Variants in STPG2 observed in about 807,000 individuals in gnomAD.
STPG2 encodes the protein sperm-tail PG-rich repeat-containing protein 2.
A neutral mutation model predicts 54.2 loss-of-function variants in STPG2; 56 were observed. The ratio of observed to expected loss-of-function variants is 1.03; its 90% CI spans 0.83 to 1.29. The LOEUF is 1.29. Among genes scored for constraint, STPG2 ranks in the 50% most tolerant of loss-of-function variants. The pLI, the probability that STPG2 is intolerant of heterozygous loss-of-function variation, is 0.00. For synonymous variants in STPG2, 200 were observed against 181.8 expected, an observed-to-expected ratio of 1.10 and a Z score of -0.81; for missense variants, 596 against 544.9, an observed-to-expected ratio of 1.09 and a Z score of -0.93.
intron 10 of STPG2, among the ~76,000 whole-genome samples, chr4:97,648,342 T>A (rs1260391950): frequency 6.6e-6 from 1 of 152,162 alleles, no homozygotes; most frequent in Admixed American, 6.5e-5. Context: ...AATGCTGGTA[T>A]CTACCTGGCT....
intron 9 of STPG2, among the ~76,000 whole-genome samples, chr4:97,788,372 A>C (rs1726890676): frequency 6.6e-6 from 1 of 152,012 alleles, no homozygotes; most frequent in African/African-American, 2.4e-5. Context: ...AATGTTCTCT[A>C]GCTCCATTCA....
chr4:97,769,772 G>A (rs982972821), intron 9 of STPG2, among the ~76,000 whole-genome samples: 5 of 151,912 alleles, frequency 3.3e-5, no homozygotes, highest in African/African-American at 9.7e-5. Flanking sequence ...TTATGAATAC[G>A]TACATATTTA....
At chr4:97,726,226 C>T (rs1724621496) in intron 9 of STPG2, among the ~76,000 whole-genome samples, 2 of 151,786 alleles carry the variant, frequency 1.3e-5, no homozygotes, top group Admixed American at 1.3e-4. Context: ...ATATTGTACT[C>T]ATATGAGGTG....
chr4:97,793,663 T>A (rs559955859), intron 9 of STPG2, among the ~76,000 whole-genome samples: 1 of 151,914 alleles, frequency 6.6e-6, no homozygotes, highest in African/African-American at 2.4e-5. Flanking sequence ...TAAATATACA[T>A]GAATCTAAAC....
chr4:97,636,026 A>G (rs1721507242), intron 10 of STPG2, among the ~76,000 whole-genome samples: 1 of 152,034 alleles, frequency 6.6e-6, no homozygotes, highest in African/African-American at 2.4e-5. Flanking sequence ...ACCCCAAATC[A>G]ACAGAATATA....
intron 8 of STPG2, among the ~76,000 whole-genome samples, chr4:97,891,257 G>T (rs1730761504): frequency 6.6e-6 from 1 of 151,854 alleles, no homozygotes; most frequent in African/African-American, 2.4e-5. Context: ...ATCTGTATAA[G>T]AACATAAGTT....
At chr4:97,798,632 TGTG>T (rs1441861370) in intron 9 of STPG2, among the ~76,000 whole-genome samples, 1 of 141,288 alleles carries the variant, frequency 7.1e-6, no homozygotes, top group Non-Finnish European at 1.5e-5. Context: ...ATAAGTGTGA[TGTG>T]GTGCTGAGAA....
chr4:97,593,155 C>T (rs1733188990), intron 10 of STPG2, among the ~76,000 whole-genome samples: 1 of 152,064 alleles, frequency 6.6e-6, no homozygotes, highest in Admixed American at 6.5e-5. Context: ...CCCAGGAGTC[C>T]TCATCATAGC....
intron 10 of STPG2, among the ~76,000 whole-genome samples, chr4:97,688,938 A>C (rs1723282573): frequency 6.6e-6 from 1 of 152,194 alleles, no homozygotes; most frequent in African/African-American, 2.4e-5. Context: ...TTAGAAATTA[A>C]TTTAAAAATA....
chr4:97,731,482 T>C (rs1333867968), intron 9 of STPG2, among the ~76,000 whole-genome samples: 83 of 152,196 alleles, frequency 5.5e-4, no homozygotes, highest in East Asian at 5.8e-4. Context: ...TTGGGAAGCC[T>C]AGAGAGGAAG....
intron 9 of STPG2, among the ~76,000 whole-genome samples, chr4:97,727,752 C>A (rs896161989): frequency 6.7e-6 from 1 of 149,472 alleles, no homozygotes; most frequent in South Asian, 2.1e-4. Context: ...TCTTACAAAA[C>A]TAGTGTTTGT....
At chr4:97,984,422 G>T (rs115318080) in intron 5 of STPG2, among the ~76,000 whole-genome samples, 26 of 152,208 alleles carry the variant, frequency 1.7e-4, no homozygotes, top group African/African-American at 6.0e-4. Context: ...TGGGATTACA[G>T]GCATGAACCA....
intron 10 of STPG2, among the ~76,000 whole-genome samples, chr4:97,635,557 A>G (rs1158535189): frequency 2.0e-5 from 3 of 152,232 alleles, no homozygotes; most frequent in Non-Finnish European, 1.5e-5. Context: ...AATTGGATAA[A>G]GAGTCAAGAC....
intron 6 of STPG2, among the ~76,000 whole-genome samples, chr4:97,977,396 G>C (rs1428466575): frequency 2.0e-5 from 3 of 151,992 alleles, no homozygotes; most frequent in Non-Finnish European, 4.4e-5. Flanking sequence ...TTCACCTTTG[G>C]AGCACTGACC....
intron 4 of STPG2, among the ~76,000 whole-genome samples, chr4:97,500,388 G>T (rs187797387): frequency 6.6e-6 from 1 of 152,166 alleles, no homozygotes; most frequent in East Asian, 1.9e-4. Flanking sequence ...AAAAGATCAG[G>T]AGTTTGGCTC....
At chr4:98,019,188 T>C (rs904912505) in intron 5 of STPG2, among the ~76,000 whole-genome samples, 2 of 152,166 alleles carry the variant, frequency 1.3e-5, no homozygotes, top group African/African-American at 4.8e-5. Context: ...CTTGAATTAA[T>C]TTTTGTATAA....
chr4:97,900,001 AG>A (rs1187860324), intron 8 of STPG2, among the ~76,000 whole-genome samples: 1 of 151,674 alleles, frequency 6.6e-6, no homozygotes, highest in African/African-American at 2.4e-5. Flanking sequence ...ACAGAATGGA[AG>A]GAAATTTTTG....
Position 97,897,947 on chromosome 4 carries a change from G to T in STPG2, c.1044+45950C>A, listed in dbSNP as rs542134620. On this transcript the variant is annotated intron_variant, in intron 8 of 10. Transcript: ENST00000295268. ...TGTCAATTTTTGCTTTTGTGTAATT[G>T]CTTTCAGTATCTTTGTCATGAAATC... Among the ~76,000 whole-genome samples, 26 of 152,150 alleles carry T rather than the reference G, an allele frequency of 1.7e-4. No individual in the cohort carries two copies. In the South Asian group the frequency reaches 4.6e-3, roughly 27 times the overall value.
At chr4:97,961,583 T>G (rs150976882) in intron 7 of STPG2, among the ~76,000 whole-genome samples, 5 of 152,016 alleles carry the variant, frequency 3.3e-5, no homozygotes, top group Admixed American at 2.6e-4. Context: ...GATATACAAA[T>G]AGCCAACAAA....
Sources: allele counts gnomAD v4.1 joint callset (sites outside exome capture counted in the v4.1 genomes callset), GRCh38; gene constraint gnomAD v4.1.1; transcripts MANE v1.5; gene names NCBI Gene and HGNC (gene_info 2026-07-23, HGNC 2026-07-21).